Variants in OR2V2 observed in about 807,000 individuals in gnomAD.
OR2V2 encodes olfactory receptor family 2 subfamily V member 2.
For missense variants in OR2V2, 392 were observed against 392.2 expected (o/e 1.00, Z 0.00); for synonymous variants, 161 against 151.3 (o/e 1.06, Z -0.47).
At chr5:181,153,970 A>C (rs1415835461) in intron 1 of OR2V2, among the ~76,000 whole-genome samples, 1 of 152,196 alleles carries the variant, frequency 6.6e-6, no homozygotes, top group African/African-American at 2.4e-5. Context: ...CACTGTTCTT[A>C]AGACTCTTGG....
chr5:181,155,206 T>C lies in OR2V2; in HGVS notation c.264T>C (p.Ser88=), dbSNP rs146686893. The part of the protein sequence containing the change: ...NVPKMAANFL[S]GRKSISFVGC... The stretch of plus-strand genomic sequence containing the variant: ...CAAAGATGGCAGCCAACTTCCTGTC[T>C]GGCAGGAAGTCCATCTCCTTTGTGG... Residue 88 remains serine, a synonymous_variant, in exon 2 of 2, where the codon TCT becomes TCC. Coordinates refer to ENST00000641492, the MANE Select transcript of OR2V2 (RefSeq NM_206880.2). 4.2e-5 allele frequency: 68 copies of C among 1,614,078 alleles called. No individual in the cohort carries two copies. The highest frequency in any genetic ancestry group is 5.6e-5 in the Non-Finnish European group (66 of 1,180,052).
intron 1 of OR2V2, 40 bp from the exon 2 acceptor site, chr5:181,154,879 A>C (rs1763236907): frequency 9.1e-7 from 1 of 1,093,422 alleles, no homozygotes. Flanking sequence ...GTCTATAAAG[A>C]GATGTCAGTC....
At position 181,156,249 on chromosome 5, in the gene OR2V2, G is replaced by A. The variant is rs1025928653; in HGVS notation, c.*359G>A. On this transcript the variant is annotated 3_prime_UTR_variant, in exon 2 of 2. Transcript: ENST00000641492. ...GCCTCCTGAGTAGCTGGGATTACAG[G>A]TGCGTGCCCCACACCTGACTAATTT... The A allele has an allele frequency of 9.6e-6, 2 of 209,280 alleles. No homozygotes were observed. The highest frequency in any genetic ancestry group is 1.9e-5 in the Non-Finnish European group (2 of 105,174). 13.0% of individuals were successfully genotyped at this position (209,280 alleles called of 1,614,324 possible). A position where few individuals can be genotyped will look rare whatever the true frequency, so the allele number is the denominator to read the frequency against.
Position 181,156,039 on chromosome 5 carries a change from G to GTTTCTTTCTTTCTTTCTTTCT in OR2V2, c.*151_*152insTCTTTCTTTCTTTCTTTCTTT, listed in dbSNP as rs1554096516. 4.3e-4 allele frequency: 213 copies of GTTTCTTTCTTTCTTTCTTTCT among 495,284 alleles called. 1 individual carries two copies. Among genetic ancestry groups the GTTTCTTTCTTTCTTTCTTTCT allele is most frequent in the Non-Finnish European group, 1.6e-4 (46 of 291,828 alleles). The allele number at this position is 495,284 out of a possible 1,614,324, so 30.7% of individuals were successfully genotyped here. Reference sequence around the variant, plus strand: ...GAAGGTCTTTTTAAACACTACATCAGTTCTTTCTTTCTTTCTTTCTTTCTT... The same window carrying GTTTCTTTCTTTCTTTCTTTCT: ...GAAGGTCTTTTTAAACACTACATCAGTTTCTTTCTTTCTTTCTTTCTTTCTTTCTTTCTTTCTTTCTTTCTT... On this transcript the variant is annotated 3_prime_UTR_variant, in exon 2 of 2. Coordinates refer to ENST00000641492, the MANE Select transcript of OR2V2 (RefSeq NM_206880.2).
rs116773802 is a variant in OR2V2, at chr5:181,147,829, C to T, written c.-191C>T. On this transcript the variant is annotated 5_prime_UTR_variant, in exon 1 of 2. Coordinates refer to ENST00000641492, the MANE Select transcript of OR2V2 (RefSeq NM_206880.2). The stretch of plus-strand genomic sequence containing the variant: ...TGAGGGTGCCGTGGGCTCCACAGCC[C>T]GATGAGTAGTCGGTGCGGGCTGAGG... 6,294 of 394,202 alleles carry T rather than the reference C, an allele frequency of 0.016. 351 individuals are homozygous for T. The highest frequency in any genetic ancestry group is 0.11 in the African/African-American group (5,554 of 48,434). The allele number at this position is 394,202 out of a possible 1,614,324, so 24.4% of individuals were successfully genotyped here. A position where few individuals can be genotyped will look rare whatever the true frequency, so the allele number is the denominator to read the frequency against.
At position 181,153,951 on chromosome 5, in the gene OR2V2, C is replaced by T. The variant is rs188723209; in HGVS notation, c.-24-968C>T. On this transcript the variant is annotated intron_variant, in intron 1 of 1. Coordinates refer to ENST00000641492, the MANE Select transcript of OR2V2 (RefSeq NM_206880.2). ...GATTATTTTCTAAGCCCCAGCATAACTGAAACCTCACTGTTCTTAAGACTC... is the reference window on the plus strand; with the variant it reads ...GATTATTTTCTAAGCCCCAGCATAATTGAAACCTCACTGTTCTTAAGACTC... Among the ~76,000 whole-genome samples, 297 of 152,298 alleles carry T rather than the reference C, an allele frequency of 2.0e-3. 9 individuals carry two copies. The highest frequency in any genetic ancestry group is 1.5e-4 in the Non-Finnish European group (10 of 68,022).
intron 1 of OR2V2, among the ~76,000 whole-genome samples, chr5:181,148,399 A>G (rs993717573): frequency 2.0e-5 from 3 of 152,118 alleles, no homozygotes; most frequent in Non-Finnish European, 4.4e-5. Context: ...GGGTCCTCTC[A>G]TCCCCAGGAG....
Position 181,154,994 on chromosome 5 carries a change from A to G in OR2V2, c.52A>G (p.Ile18Val), listed in dbSNP as rs759520844. 1.9e-6 allele frequency: 3 copies of G among 1,614,120 alleles called. No homozygotes were observed. In the Admixed American group the frequency reaches 5.0e-5, roughly 27 times the overall value. ...CACAGATGGCTTCTTCCTCTTAGGCATCTTCTCCCACAGTACTGCTGACCT... is the reference window on the plus strand; with the variant it reads ...CACAGATGGCTTCTTCCTCTTAGGCGTCTTCTCCCACAGTACTGCTGACCT... The part of the protein sequence containing the change: ...SYTDGFFLLG[I>V]FSHSTADLVL... The change falls in exon 2 of 2, where the codon ATC becomes GTC. Residue 18 changes from isoleucine (I) to valine (V), a missense_variant. Physicochemically the swap from Ile to Val is conservative, Grantham distance 29 (BLOSUM62 3). Transcript: ENST00000641492.
intron 1 of OR2V2, among the ~76,000 whole-genome samples, chr5:181,150,148 C>G (rs1039726850): frequency 1.3e-5 from 2 of 152,242 alleles, no homozygotes; most frequent in African/African-American, 4.8e-5. Flanking sequence ...GGTGTTGTTG[C>G]TGGCAAGGAC....
Position 181,157,645 on chromosome 5 carries a change from A to G in OR2V2, c.*1755A>G, listed in dbSNP as rs2113350713. ...GTGTATTCTGTGACCACTTGCTGATATCACTTAGGTAATGCCCAACCTACC... is the reference window on the plus strand; with the variant it reads ...GTGTATTCTGTGACCACTTGCTGATGTCACTTAGGTAATGCCCAACCTACC... On this transcript the variant is annotated 3_prime_UTR_variant, in exon 2 of 2. Coordinates refer to ENST00000641492, the MANE Select transcript of OR2V2 (RefSeq NM_206880.2). 6.6e-6 allele frequency: 1 copy of G among 152,368 alleles called. No homozygotes were observed. The highest frequency in any genetic ancestry group is 2.1e-4 in the South Asian group (1 of 4,826). 9.4% of individuals were successfully genotyped at this position (152,368 alleles called of 1,614,324 possible). A position where few individuals can be genotyped will look rare whatever the true frequency, so the allele number is the denominator to read the frequency against.
At chr5:181,148,539 A>T (rs377311112) in intron 1 of OR2V2, among the ~76,000 whole-genome samples, 10 of 152,278 alleles carry the variant, frequency 6.6e-5, no homozygotes, top group African/African-American at 1.9e-4. Flanking sequence ...ATGCAAGAAT[A>T]AATTCAGTTG....
intron 1 of OR2V2, among the ~76,000 whole-genome samples, chr5:181,149,761 G>A (rs946571439): frequency 6.6e-6 from 1 of 152,200 alleles, no homozygotes; most frequent in Non-Finnish European, 1.5e-5. Context: ...GCCCTTTCCA[G>A]TTTTCTGTCT....
chr5:181,150,392 T>C (rs1409872258), intron 1 of OR2V2, among the ~76,000 whole-genome samples: 1 of 152,194 alleles, frequency 6.6e-6, no homozygotes, highest in African/African-American at 2.4e-5. Context: ...CCTCTCACCC[T>C]TGTCTTTTGT....
chr5:181,156,058 C>CTTTCTTTCT lies in OR2V2; in HGVS notation c.*171_*179dup, dbSNP rs1763262499. On this transcript the variant is annotated 3_prime_UTR_variant, in exon 2 of 2. Coordinates refer to ENST00000641492, the MANE Select transcript of OR2V2 (RefSeq NM_206880.2). ...ACATCAGTTCTTTCTTTCTTTCTTT[C>CTTTCTTTCT]TTTCTTTCTTTCTTTTGTTCTTTCT... 3.7e-6 allele frequency: 2 copies of CTTTCTTTCT among 546,090 alleles called. No individual in the cohort carries two copies. Among genetic ancestry groups the CTTTCTTTCT allele is most frequent in the African/African-American group, 4.1e-5 (2 of 49,270 alleles). 33.8% of individuals were successfully genotyped at this position (546,090 alleles called of 1,614,324 possible). A position where few individuals can be genotyped will look rare whatever the true frequency, so the allele number is the denominator to read the frequency against.
Position 181,156,718 on chromosome 5 carries a change from C to T in OR2V2, c.*828C>T, listed in dbSNP as rs1214410772. ...TGCATGATGTTTATATGATGTCTCACAACAGTTGTAGCCCAACCCTAGGGT... is the reference window on the plus strand; with the variant it reads ...TGCATGATGTTTATATGATGTCTCATAACAGTTGTAGCCCAACCCTAGGGT... On this transcript the variant is annotated 3_prime_UTR_variant, in exon 2 of 2. Transcript: ENST00000641492. 1 of 152,232 alleles carries T rather than the reference C, an allele frequency of 6.6e-6. No homozygotes were observed. Among genetic ancestry groups the T allele is most frequent in the Non-Finnish European group, 1.5e-5 (1 of 68,040 alleles). The allele number at this position is 152,232 out of a possible 1,614,324, so 9.4% of individuals were successfully genotyped here.
chr5:181,151,188 T>A (rs1467082937), intron 1 of OR2V2, among the ~76,000 whole-genome samples: 1 of 152,072 alleles, frequency 6.6e-6, no homozygotes, highest in Admixed American at 6.5e-5. Flanking sequence ...TAAGGTCAGA[T>A]GCATCTGGCG....
At chr5:181,152,426 G>A (rs1211561117) in intron 1 of OR2V2, among the ~76,000 whole-genome samples, 3 of 152,154 alleles carry the variant, frequency 2.0e-5, no homozygotes, top group Admixed American at 2.0e-4. Context: ...CTTCTTGTCT[G>A]AACTCTGAAC....
intron 1 of OR2V2, among the ~76,000 whole-genome samples, chr5:181,154,520 G>C (rs6879420): frequency 0.35 from 52,782 of 151,258 alleles, 9,846 homozygotes; most frequent in Admixed American, 0.5. Context: ...AACCCTGGAG[G>C]GGGAGGTTGC....
At chr5:181,151,982 CAA>C (rs3044869) in intron 1 of OR2V2, among the ~76,000 whole-genome samples, 138 of 93,278 alleles carry the variant, frequency 1.5e-3, no homozygotes, top group African/African-American at 3.0e-3. Context: ...GGCCCTGTCT[CAA>C]AAAAAAAAAA....
Sources: gnomAD v4.1 joint callset for allele counts (sites outside exome capture counted in the v4.1 genomes callset) on GRCh38, gnomAD v4.1.1 for gene constraint, MANE v1.5 for transcripts, NCBI Gene and HGNC (gene_info 2026-07-23, HGNC 2026-07-21) for gene names.